CDCP1: variants seen among roughly 807,000 people sequenced by gnomAD.
CDCP1 encodes CUB domain-containing protein 1.
Under a neutral mutation model 60.2 loss-of-function variants are expected in CDCP1, and 29 were observed. The observed-to-expected ratio is 0.48, with a 90% CI of 0.36 to 0.66. The LOEUF (loss-of-function observed/expected upper bound fraction) is 0.66, where lower values mean the gene tolerates loss of function less well. CDCP1 is among the 30% of genes least tolerant of loss of function. CDCP1 has a pLI of 0.00. For synonymous variants in CDCP1, 387 were observed against 431.1 expected, an observed-to-expected ratio of 0.90 and a Z score of 1.27; for missense variants, 876 against 1,074.3, an observed-to-expected ratio of 0.82 and a Z score of 2.58.
rs116557395 is a variant in CDCP1, at chr3:45,136,252, G to C, written c.82+9954C>G. On this transcript the variant is annotated intron_variant, in intron 1 of 8. Transcript: ENST00000296129. ...GCTCCAAAGCACATTGTGTGGGTGG[G>C]TGGAAGAAAAAAAAGCAGATGGTTC... 3.2e-3 allele frequency among the ~76,000 whole-genome samples: 491 copies of C among 152,262 alleles called. 2 individuals are homozygous for C. Among genetic ancestry groups the C allele is most frequent in the African/African-American group, 0.012 (481 of 41,548 alleles).
chr3:45,146,264 G>C lies in CDCP1; in HGVS notation c.24C>G (p.Val8=). The C allele has an allele frequency of 1.3e-6, 2 of 1,590,112 alleles. No homozygotes were observed. Among genetic ancestry groups the C allele is most frequent in the Middle Eastern group, 1.7e-4 (1 of 5,984 alleles). The change falls in exon 1 of 9, where the codon GTC becomes GTG. Residue 8 remains valine, a synonymous_variant. Transcript: ENST00000296129. ...GCAGAACCCCTAGCAGTGCGATAGA[G>C]ACCCCGCAGTTCAGGCCGGCCATGA... is the stretch of plus-strand genomic sequence containing the variant. MAGLNCG[V]SIALLGVLLL...
At chr3:45,097,358 A>G (rs1698419134) in intron 4 of CDCP1, among the ~76,000 whole-genome samples, 1 of 152,034 alleles carries the variant, frequency 6.6e-6, no homozygotes, top group East Asian at 1.9e-4. Context: ...GAATAGGGAT[A>G]CCTTTTCAAC....
Position 45,091,856 on chromosome 3 carries a change from G to A in CDCP1, c.1628-318C>T, listed in dbSNP as rs1334531380. On this transcript the variant is annotated intron_variant, in intron 6 of 8. Coordinates refer to ENST00000296129, the MANE Select transcript of CDCP1 (RefSeq NM_022842.5). The surrounding 1 kb of genome is among the most constrained non-coding windows in gnomAD (Gnocchi z 4.8). Reference sequence around the variant, plus strand: ...GGCTAGAGTGCAGTGGCACGATCTCGGCTCACTGCAAACTGCAACCTCCAC... The same window carrying A: ...GGCTAGAGTGCAGTGGCACGATCTCAGCTCACTGCAAACTGCAACCTCCAC... 2.0e-5 allele frequency among the ~76,000 whole-genome samples: 3 copies of A among 152,108 alleles called. No individual in the cohort carries two copies. Among genetic ancestry groups the A allele is most frequent in the Non-Finnish European group, 4.4e-5 (3 of 68,002 alleles).
chr3:45,145,972 G>A (rs1699377705), intron 1 of CDCP1, among the ~76,000 whole-genome samples: 1 of 151,964 alleles, frequency 6.6e-6, no homozygotes, highest in African/African-American at 2.4e-5. Flanking sequence ...ACGTGCCGAG[G>A]GCAAGGTTGA....
chr3:45,110,084 T>C (rs7428429), intron 4 of CDCP1: 37,491 of 447,276 alleles, frequency 0.084, 1,807 homozygotes, highest in South Asian at 0.12. Context: ...ACATGCAGAG[T>C]ATGTGTCCAT....
At chr3:45,137,273 C>A (rs1314950097) in intron 1 of CDCP1, among the ~76,000 whole-genome samples, 1 of 152,110 alleles carries the variant, frequency 6.6e-6, no homozygotes, top group Non-Finnish European at 1.5e-5. Context: ...GTTTTTCTCT[C>A]CACATTCTAA....
At chr3:45,142,468 A>G (rs189285699) in intron 1 of CDCP1, among the ~76,000 whole-genome samples, 2 of 152,322 alleles carry the variant, frequency 1.3e-5, no homozygotes, top group East Asian at 3.9e-4. Flanking sequence ...CACTGTCCAG[A>G]TTCTATTTGC....
intron 4 of CDCP1, among the ~76,000 whole-genome samples, chr3:45,107,368 G>A (rs1485846010): frequency 2.0e-5 from 3 of 151,808 alleles, no homozygotes; most frequent in Non-Finnish European, 2.9e-5. Flanking sequence ...CACCACGCCC[G>A]GCTAATTTTT....
intron 1 of CDCP1, among the ~76,000 whole-genome samples, chr3:45,130,868 AT>A (rs937109593): frequency 2.7e-5 from 4 of 149,462 alleles, no homozygotes; most frequent in Non-Finnish European, 4.5e-5. Context: ...GGTATGCTTC[AT>A]TTTTTTTTTC....
intron 1 of CDCP1, among the ~76,000 whole-genome samples, chr3:45,144,461 G>T (rs1329777832): frequency 2.0e-5 from 3 of 152,178 alleles, no homozygotes; most frequent in Non-Finnish European, 1.5e-5. Context: ...AAGCGAAAGG[G>T]AAAGTTCCTA....
intron 1 of CDCP1, chr3:45,139,445 C>A (rs1391643551): frequency 6.6e-6 from 1 of 152,254 alleles, no homozygotes; most frequent in Non-Finnish European, 1.5e-5. Context: ...GCTGGAAAGG[C>A]AACTCTGAGT....
chr3:45,142,409 A>G (rs1273441416), intron 1 of CDCP1, among the ~76,000 whole-genome samples: 1 of 152,182 alleles, frequency 6.6e-6, no homozygotes, highest in Non-Finnish European at 1.5e-5. Context: ...AGCTATTAGT[A>G]CCATCCAGCT....
In CDCP1 at chr3:45,118,632, G is replaced by A. The variant is rs1178917377; in HGVS notation, c.83-11C>T. The A allele has an allele frequency of 6.2e-7, 1 of 1,610,238 alleles. No homozygotes were observed. Among genetic ancestry groups the A allele is most frequent in the Admixed American group, 1.7e-5 (1 of 60,002 alleles). On this transcript the variant is annotated splice_polypyrimidine_tract_variant and intron_variant, in intron 1 of 8. Coordinates refer to ENST00000296129, the MANE Select transcript of CDCP1 (RefSeq NM_022842.5). ...CAATCTCAAAAGCTTCTGAAGGAAG[G>A]AAGGAAAATGAAGTAAGCAGGATGA...
chr3:45,121,813 G>T (rs1441087305), intron 1 of CDCP1, among the ~76,000 whole-genome samples: 1 of 152,144 alleles, frequency 6.6e-6, no homozygotes, highest in African/African-American at 2.4e-5. Context: ...TAAAATTGAT[G>T]ATGTTTATTT....
intron 3 of CDCP1, 57 bp from the exon 4 acceptor site, chr3:45,110,898 G>C: frequency 6.5e-7 from 1 of 1,548,998 alleles, no homozygotes; most frequent in South Asian, 1.2e-5. Flanking sequence ...CCCTGTCCTG[G>C]TTGTCTGCAG....
At chr3:45,103,535 C>T (rs548685612) in intron 4 of CDCP1, among the ~76,000 whole-genome samples, 1 of 152,320 alleles carries the variant, frequency 6.6e-6, no homozygotes, top group East Asian at 1.9e-4. Context: ...TTGAATATAG[C>T]TTGTCCCCAC....
At chr3:45,131,681 T>G (rs1457688181) in intron 1 of CDCP1, among the ~76,000 whole-genome samples, 1 of 152,208 alleles carries the variant, frequency 6.6e-6, no homozygotes, top group Non-Finnish European at 1.5e-5. Flanking sequence ...TCCCCTGGAT[T>G]ACTATGGAAG....
intron 7 of CDCP1, among the ~76,000 whole-genome samples, chr3:45,089,980 C>T (rs538449444): frequency 1.4e-4 from 22 of 152,154 alleles, no homozygotes; most frequent in South Asian, 6.2e-4. Context: ...TACCAAACAG[C>T]GAATTAGAAT....
At chr3:45,097,580 G>A (rs2125992017) in intron 4 of CDCP1, among the ~76,000 whole-genome samples, 1 of 150,880 alleles carries the variant, frequency 6.6e-6, no homozygotes, top group African/African-American at 2.4e-5. Context: ...TGCAATTCAA[G>A]GGTGTTGACA....
Sources: gnomAD v4.1 joint callset for allele counts (sites outside exome capture counted in the v4.1 genomes callset) on GRCh38, gnomAD v4.1.1 for gene constraint, Gnocchi (gnomAD v3.1) non-coding constraint, MANE v1.5 for transcripts, NCBI Gene and HGNC (gene_info 2026-07-23, HGNC 2026-07-21) for gene names.